Variants in RNF169 observed in about 807,000 individuals in gnomAD.
RNF169 encodes the protein ring finger protein 169.
Under a neutral mutation model 53.9 loss-of-function variants are expected in RNF169, and 24 were observed. That is an observed-to-expected ratio of 0.45 (90% CI 0.32 to 0.63). The LOEUF is 0.63. Among genes scored for constraint, RNF169 ranks in the 20% least tolerant of loss-of-function variants. The pLI is 0.04. For missense variants in RNF169, 883 were observed against 906.2 expected (o/e 0.97, Z 0.33); for synonymous variants, 396 against 363.5 (o/e 1.09, Z -1.02).
At chr11:74,802,158 A>G (rs769420381) in intron 2 of RNF169, among the ~76,000 whole-genome samples, 2 of 152,212 alleles carry the variant, frequency 1.3e-5, no homozygotes. Flanking sequence ...TTATGGATAT[A>G]TAAGCTCTAG....
chr11:74,771,270 C>T (rs1175922864), intron 1 of RNF169, among the ~76,000 whole-genome samples: 3 of 152,038 alleles, frequency 2.0e-5, no homozygotes, highest in African/African-American at 4.8e-5. Context: ...TGTCTACTAC[C>T]GATTGAACAT....
chr11:74,776,563 A>C lies in RNF169; in HGVS notation c.503-13063A>C, dbSNP rs117184846. Among the ~76,000 whole-genome samples the C allele has an allele frequency of 9.5e-4, 145 of 151,950 alleles. 1 individual carries two copies. The East Asian group carries it at 0.021, about 22-fold the overall frequency. On this transcript the variant is annotated intron_variant, in intron 1 of 5. Coordinates refer to ENST00000299563, the MANE Select transcript of RNF169 (RefSeq NM_001098638.2). ...AAGCCATTGTTTGACACTGAGACAC[A>C]TACCTAGAGATCATCCCTAACTTCA...
At chr11:74,807,499 T>C (rs1225852589) in intron 2 of RNF169, among the ~76,000 whole-genome samples, 1 of 152,174 alleles carries the variant, frequency 6.6e-6, no homozygotes, top group Non-Finnish European at 1.5e-5. Context: ...CAAAGAATTA[T>C]AGAGCCTGGC....
chr11:74,812,213 T>C (rs1473838914), intron 3 of RNF169, among the ~76,000 whole-genome samples: 1 of 152,234 alleles, frequency 6.6e-6, no homozygotes, highest in Non-Finnish European at 1.5e-5. Context: ...ATGCATTGAA[T>C]AAAATCTGAC....
chr11:74,836,752 TTTTTAAAAGGTCTTAGGCC>T lies in RNF169; in HGVS notation c.*25_*43del, dbSNP rs1565190240. 2 of 1,555,922 alleles carry T rather than the reference TTTTTAAAAGGTCTTAGGCC, an allele frequency of 1.3e-6. No individual in the cohort carries two copies. On this transcript the variant is annotated 3_prime_UTR_variant, in exon 6 of 6. Coordinates refer to ENST00000299563, the MANE Select transcript of RNF169 (RefSeq NM_001098638.2). ...GTAGCACCTAATGAAGTGTTACCTA[TTTTTAAAAGGTCTTAGGCC>T]TTGATCATTTATCCTGAAGAGCTGA...
chr11:74,778,330 C>T (rs1260671090), intron 1 of RNF169, among the ~76,000 whole-genome samples: 2 of 152,196 alleles, frequency 1.3e-5, no homozygotes, highest in Non-Finnish European at 2.9e-5. Context: ...ATCATTCTTA[C>T]ACATTTACAT....
chr11:74,752,372 G>A (rs989579381), intron 1 of RNF169, among the ~76,000 whole-genome samples: 2 of 151,936 alleles, frequency 1.3e-5, no homozygotes. Flanking sequence ...TAAGGCGGGC[G>A]GATCACTTGA....
At chr11:74,813,158 T>C (rs1201494121) in intron 3 of RNF169, among the ~76,000 whole-genome samples, 1 of 152,236 alleles carries the variant, frequency 6.6e-6, no homozygotes, top group Non-Finnish European at 1.5e-5. Flanking sequence ...TTGTAACTTT[T>C]ACAAGAGTTC....
At chr11:74,825,621 A>AG in intron 4 of RNF169, among the ~76,000 whole-genome samples, 1 of 152,360 alleles carries the variant, frequency 6.6e-6, no homozygotes, top group African/African-American at 2.4e-5. Flanking sequence ...AAAATTAAAA[A>AG]GGAGGGACTC....
In RNF169 at chr11:74,778,472, A is replaced by G. The variant is rs1271041281; in HGVS notation, c.503-11154A>G. On this transcript the variant is annotated intron_variant, in intron 1 of 5. Coordinates refer to ENST00000299563, the MANE Select transcript of RNF169 (RefSeq NM_001098638.2). ...TTTTTCTTGTTTGAGATTATAAGGT[A>G]TACTTAATCTGGTGATGTTGTGCCA... Among the ~76,000 whole-genome samples, 11 of 152,278 alleles carry G rather than the reference A, an allele frequency of 7.2e-5. No individual in the cohort carries two copies. In the East Asian group the frequency reaches 7.7e-4, roughly 11 times the overall value.
intron 1 of RNF169, among the ~76,000 whole-genome samples, chr11:74,787,935 T>C (rs1843517827): frequency 6.6e-6 from 1 of 152,232 alleles, no homozygotes; most frequent in South Asian, 2.1e-4. Context: ...TAATATAATT[T>C]TATCTTCTCT....
At chr11:74,821,012 C>T (rs2036002244) in intron 4 of RNF169, among the ~76,000 whole-genome samples, 1 of 152,308 alleles carries the variant, frequency 6.6e-6, no homozygotes, top group African/African-American at 2.4e-5. Flanking sequence ...TTAAGTGACT[C>T]ACCCAAGAAC....
chr11:74,820,726 A>T (rs1008725341), intron 4 of RNF169, among the ~76,000 whole-genome samples: 5 of 152,212 alleles, frequency 3.3e-5, no homozygotes, highest in Admixed American at 3.3e-4. Flanking sequence ...AAAGGAAGAT[A>T]GCTTAAGGAG....
At chr11:74,755,880 G>A (rs1357052512) in intron 1 of RNF169, among the ~76,000 whole-genome samples, 1 of 152,180 alleles carries the variant, frequency 6.6e-6, no homozygotes, top group Non-Finnish European at 1.5e-5. Context: ...AGGCCATTGT[G>A]TATTAGGGTA....
intron 2 of RNF169, among the ~76,000 whole-genome samples, chr11:74,797,092 T>A (rs1436154891): frequency 6.6e-6 from 1 of 152,210 alleles, no homozygotes; most frequent in South Asian, 2.1e-4. Flanking sequence ...TGCAGTTTTT[T>A]AGTCCTTAGC....
intron 2 of RNF169, among the ~76,000 whole-genome samples, chr11:74,794,281 A>G (rs1432940257): frequency 6.6e-6 from 1 of 152,228 alleles, no homozygotes; most frequent in East Asian, 1.9e-4. Context: ...GGATTTTGTC[A>G]GAAGTGTGAT....
In RNF169 at chr11:74,836,419, C is replaced by A; in HGVS notation, c.1816C>A (p.Leu606Ile). Residue 606 changes from leucine to isoleucine, a missense_variant, in exon 6 of 6, where the codon CTA becomes ATA. Around this residue, in one of 3 missense-constraint regions of RNF169, gnomAD observed 351 missense variants for 337.3 expected, o/e 1.04. Coordinates refer to ENST00000299563, the MANE Select transcript of RNF169 (RefSeq NM_001098638.2). The stretch of plus-strand genomic sequence containing the variant: ...TCATTTTGATCTGACTAATGGTGTT[C>A]TAGTTGAGAGCCTAAGTGAAGAGCC... ...LNHFDLTNGV[L>I]VESLSEEPLP... is the part of the protein sequence containing the mutation. 6.2e-7 allele frequency: 1 copy of A among 1,614,156 alleles called. No homozygotes were observed. Among genetic ancestry groups the A allele is most frequent in the African/African-American group, 1.3e-5 (1 of 75,046 alleles).
At chr11:74,809,795 C>T (rs181085822) in intron 2 of RNF169, among the ~76,000 whole-genome samples, 23 of 152,358 alleles carry the variant, frequency 1.5e-4, no homozygotes, top group African/African-American at 4.1e-4. Context: ...CCTCGTCCAG[C>T]TTCTCTGGCT....
rs536281277 is a variant in RNF169, at chr11:74,749,468, G to A, written c.502+86G>A. On this transcript the variant is annotated intron_variant, in intron 1 of 5. Coordinates refer to ENST00000299563, the MANE Select transcript of RNF169 (RefSeq NM_001098638.2). ...CTGGTGAGGGGGTGGAGAGTCCCGG[G>A]CCCTACTCGGGCGGGTGTGGAGAGT... The A allele has an allele frequency of 2.9e-4, 316 of 1,090,832 alleles. 6 individuals carry two copies. In the East Asian group the frequency reaches 0.011, roughly 36 times the overall value. 67.6% of individuals were successfully genotyped at this position (1,090,832 alleles called of 1,614,324 possible). A position where few individuals can be genotyped will look rare whatever the true frequency, so the allele number is the denominator to read the frequency against.
Sources: gnomAD v4.1 joint callset for allele counts (sites outside exome capture counted in the v4.1 genomes callset) on GRCh38, gnomAD v4.1.1 for gene constraint, gnomAD v4.1.1 regional missense constraint, MANE v1.5 for transcripts, NCBI Gene and HGNC (gene_info 2026-07-23, HGNC 2026-07-21) for gene names.